Variants in CGNL1 observed in about 807,000 individuals in gnomAD.
The protein encoded by CGNL1 is cingulin-like protein 1.
A neutral mutation model predicts 141.2 loss-of-function variants in CGNL1; 132 were observed. The ratio of observed to expected loss-of-function variants is 0.93; its 90% CI spans 0.81 to 1.08. The LOEUF is 1.08. Among genes scored for constraint, CGNL1 ranks in the 50% least tolerant of loss-of-function variants. The pLI, the probability that CGNL1 is intolerant of heterozygous loss-of-function variation, is 0.00. For synonymous variants in CGNL1, 690 were observed against 622.1 expected (o/e 1.11, Z -1.63); for missense variants, 1,870 against 1,588.6 (o/e 1.18, Z -3.01).
chr15:57,427,337 T>C lies in CGNL1; in HGVS notation c.-15-10648T>C, dbSNP rs189970512. 4.8e-3 allele frequency among the ~76,000 whole-genome samples: 738 copies of C among 152,332 alleles called. 15 individuals carry two copies. The highest frequency in any genetic ancestry group is 0.031 in the Admixed American group (470 of 15,296). On this transcript the variant is annotated intron_variant, in intron 1 of 18. Transcript: ENST00000281282. ...TTCCATGTTTTTAATAGCCACACTA[T>C]ACAATACAGAGTAGGTTTCTGTGGA... is the stretch of plus-strand genomic sequence containing the variant.
chr15:57,474,975 C>A (rs2063633250), intron 8 of CGNL1, among the ~76,000 whole-genome samples: 2 of 152,322 alleles, frequency 1.3e-5, no homozygotes, highest in Middle Eastern at 3.4e-3. Context: ...GGGCCCCTGC[C>A]TCTGCCTTGA....
At position 57,518,473 on chromosome 15, in the gene CGNL1, G is replaced by A; in HGVS notation, c.2691G>A (p.Leu897=). 1 of 1,611,308 alleles carries A rather than the reference G, an allele frequency of 6.2e-7. No individual in the cohort carries two copies. Among genetic ancestry groups the A allele is most frequent in the Non-Finnish European group, 8.5e-7 (1 of 1,178,666 alleles). The change falls in exon 10 of 19, where the codon CTG becomes CTA. Residue 897 remains leucine (L), a synonymous_variant. Transcript: ENST00000281282. The part of the protein sequence containing the change: ...EKEAVSARRA[L]ENELEAAQGN... ...AAGCTGTGTCAGCCAGAAGGGCCCT[G>A]GAGAATGAACTGGAGGCTGCTCAGG...
chr15:57,432,458 G>A (rs1467369706), intron 1 of CGNL1, among the ~76,000 whole-genome samples: 2 of 152,150 alleles, frequency 1.3e-5, no homozygotes, highest in Admixed American at 6.5e-5. Context: ...CGCTGATCTC[G>A]CTAACTAAAG....
chr15:57,393,791 C>T (rs1488885927), intron 1 of CGNL1, among the ~76,000 whole-genome samples: 2 of 152,086 alleles, frequency 1.3e-5, no homozygotes, highest in Non-Finnish European at 2.9e-5. Flanking sequence ...ATTATATCTG[C>T]AGATTTTGTG....
intron 15 of CGNL1, 102 bp from the exon 16 acceptor site, chr15:57,544,371 G>C: frequency 2.1e-6 from 3 of 1,414,988 alleles, no homozygotes; most frequent in East Asian, 2.3e-5. Flanking sequence ...CAGCCTCATC[G>C]CATGCAGCGA....
intron 8 of CGNL1, among the ~76,000 whole-genome samples, chr15:57,515,462 G>A (rs1343293140): frequency 6.6e-6 from 1 of 152,212 alleles, no homozygotes; most frequent in African/African-American, 2.4e-5. Flanking sequence ...CATGGTCGGT[G>A]ATACAGCCTT....
At chr15:57,383,781 A>G (rs1452732535) in intron 1 of CGNL1, among the ~76,000 whole-genome samples, 1 of 151,810 alleles carries the variant, frequency 6.6e-6, no homozygotes. Flanking sequence ...GATGCAGGCT[A>G]CTATGCCTGG....
intron 1 of CGNL1, among the ~76,000 whole-genome samples, chr15:57,391,761 G>A (rs548173466): frequency 2.6e-5 from 4 of 152,184 alleles, no homozygotes; most frequent in South Asian, 2.1e-4. Context: ...CTCTTTCCTC[G>A]CCTCAGTGTT....
Position 57,437,980 on chromosome 15 carries a change from G to A in CGNL1, c.-15-5G>A, listed in dbSNP as rs1360792961. 18 of 1,600,030 alleles carry A rather than the reference G, an allele frequency of 1.1e-5. No individual in the cohort carries two copies. Among genetic ancestry groups the A allele is most frequent in the Admixed American group, 1.7e-5 (1 of 59,176 alleles). On this transcript the variant is annotated splice_region_variant and splice_polypyrimidine_tract_variant and intron_variant, in intron 1 of 18. Coordinates refer to ENST00000281282, the MANE Select transcript of CGNL1 (RefSeq NM_032866.5). The stretch of plus-strand genomic sequence containing the variant: ...TCCTCTTTTTACCCCATCTCTCCCT[G>A]GTAGCTGGAACAGTGAACCATGGAG...
At chr15:57,390,724 C>T (rs187047421) in intron 1 of CGNL1, among the ~76,000 whole-genome samples, 16 of 152,236 alleles carry the variant, frequency 1.1e-4, no homozygotes, top group African/African-American at 1.9e-4. Flanking sequence ...CGCTGGCATG[C>T]GCTGCCTCTC....
intron 16 of CGNL1, 94 bp downstream of exon 16, chr15:57,544,691 C>T: frequency 2.1e-6 from 3 of 1,439,484 alleles, no homozygotes; most frequent in Non-Finnish European, 2.8e-6. Flanking sequence ...TGTCCTGATC[C>T]TCGTAGCCTG....
intron 1 of CGNL1, among the ~76,000 whole-genome samples, chr15:57,382,428 T>C (rs938344962): frequency 6.6e-6 from 1 of 152,220 alleles, no homozygotes; most frequent in Non-Finnish European, 1.5e-5. Context: ...GCCAGAAGCC[T>C]CTTTGTTTAC....
chr15:57,512,238 A>T (rs1326204280), intron 8 of CGNL1, among the ~76,000 whole-genome samples: 1 of 152,204 alleles, frequency 6.6e-6, no homozygotes, highest in Non-Finnish European at 1.5e-5. Flanking sequence ...CATGGAGAAG[A>T]ACTTACATGT....
At position 57,545,710 on chromosome 15, in the gene CGNL1, C is replaced by A. The variant is rs1292717105; in HGVS notation, c.3609+10C>A. The A allele has an allele frequency of 1.2e-6, 2 of 1,601,496 alleles. No individual in the cohort carries two copies. Among genetic ancestry groups the A allele is most frequent in the South Asian group, 1.1e-5 (1 of 89,538 alleles). On this transcript the variant is annotated intron_variant, in intron 17 of 18. Transcript: ENST00000281282. Reference sequence around the variant, plus strand: ...TGATCAGAAGGACCAGGTGGGGAGCCTCTGCGTGCATTTGCTCTTAGATGA... The same window carrying A: ...TGATCAGAAGGACCAGGTGGGGAGCATCTGCGTGCATTTGCTCTTAGATGA...
At chr15:57,525,153 A>G (rs189844388) in intron 12 of CGNL1, among the ~76,000 whole-genome samples, 1 of 152,372 alleles carries the variant, frequency 6.6e-6, no homozygotes, top group East Asian at 1.9e-4. Flanking sequence ...TTGAAAATAC[A>G]GACTTTTATT....
intron 4 of CGNL1, among the ~76,000 whole-genome samples, chr15:57,448,946 T>A (rs969860524): frequency 6.6e-6 from 1 of 152,236 alleles, no homozygotes; most frequent in Non-Finnish European, 1.5e-5. Context: ...ACTTACAGAT[T>A]ACCTTGATTC....
chr15:57,396,017 T>C lies in CGNL1; in HGVS notation c.-16+19450T>C, dbSNP rs542265095. Among the ~76,000 whole-genome samples the C allele has an allele frequency of 1.1e-4, 16 of 152,326 alleles. No individual in the cohort carries two copies. The East Asian group carries it at 3.1e-3, about 29-fold the overall frequency. On this transcript the variant is annotated intron_variant, in intron 1 of 18. Transcript: ENST00000281282. ...CTTGAACTTCATAAAAACAGAATCATATTCATACAGTATGTACTCTTTGTA... is the reference window on the plus strand; with the variant it reads ...CTTGAACTTCATAAAAACAGAATCACATTCATACAGTATGTACTCTTTGTA...
chr15:57,544,378 G>A (rs1398368003), intron 15 of CGNL1, 95 bp from the exon 16 acceptor site: 2 of 1,473,952 alleles, frequency 1.4e-6, no homozygotes, highest in African/African-American at 2.8e-5. Context: ...ATCGCATGCA[G>A]CGACCAAACA....
intron 7 of CGNL1, among the ~76,000 whole-genome samples, chr15:57,461,293 G>A (rs1293807440): frequency 3.9e-5 from 6 of 152,162 alleles, no homozygotes; most frequent in African/African-American, 1.4e-4. Context: ...ATGAAGCAAG[G>A]TAGGCAAGCT....
Sources: allele counts gnomAD v4.1 joint callset (sites outside exome capture counted in the v4.1 genomes callset), GRCh38; gene constraint gnomAD v4.1.1; transcripts MANE v1.5; gene names NCBI Gene and HGNC (gene_info 2026-07-23, HGNC 2026-07-21).